Variants in NKAIN2 observed in about 807,000 individuals in gnomAD.
The protein encoded by NKAIN2 is sodium/potassium-transporting ATPase subunit beta-1-interacting protein 2.
Under a neutral mutation model 32.6 loss-of-function variants are expected in NKAIN2, and 14 were observed. The ratio of observed to expected loss-of-function variants is 0.43; its 90% CI spans 0.28 to 0.67. The LOEUF (loss-of-function observed/expected upper bound fraction) is 0.67, where lower values mean the gene tolerates loss of function less well. Among genes scored for constraint, NKAIN2 ranks in the 30% least tolerant of loss-of-function variants. NKAIN2 has a pLI of 0.17. For synonymous variants in NKAIN2, 80 were observed against 87.2 expected (o/e 0.92, Z 0.46); for missense variants, 198 against 258.3 (o/e 0.77, Z 1.60).
At chr6:124,321,730 T>G (rs1186450411) in intron 2 of NKAIN2, among the ~76,000 whole-genome samples, 1 of 152,156 alleles carries the variant, frequency 6.6e-6, no homozygotes, top group Non-Finnish European at 1.5e-5. Context: ...TTCACAGGCT[T>G]GCAGTTCATC....
At chr6:124,665,002 T>C (rs1772719991) in intron 4 of NKAIN2, among the ~76,000 whole-genome samples, 1 of 151,970 alleles carries the variant, frequency 6.6e-6, no homozygotes, top group Non-Finnish European at 1.5e-5. Flanking sequence ...AAGAAAAATG[T>C]AGTAGGTCCC....
intron 1 of NKAIN2, among the ~76,000 whole-genome samples, chr6:124,265,346 A>G (rs955452576): frequency 9.2e-5 from 14 of 152,294 alleles, no homozygotes; most frequent in African/African-American, 3.1e-4. Context: ...ATATTAGAAT[A>G]TAGAAATATT....
chr6:124,815,421 C>A (rs926830011), intron 5 of NKAIN2, among the ~76,000 whole-genome samples: 1 of 151,682 alleles, frequency 6.6e-6, no homozygotes, highest in Non-Finnish European at 1.5e-5. Flanking sequence ...AGACACGCAC[C>A]ACCATGCCCA....
intron 3 of NKAIN2, among the ~76,000 whole-genome samples, chr6:124,643,471 G>T (rs1291010313): frequency 6.6e-6 from 1 of 152,078 alleles, no homozygotes; most frequent in Non-Finnish European, 1.5e-5. Context: ...GACATAGATT[G>T]TCCACATCAC....
chr6:124,131,843 T>C (rs569182860), intron 1 of NKAIN2, among the ~76,000 whole-genome samples: 1 of 152,168 alleles, frequency 6.6e-6, no homozygotes, highest in Admixed American at 6.5e-5. Context: ...TCCAGGTGAA[T>C]TTTATGATCA....
At chr6:124,360,154 G>A (rs1424500457) in intron 3 of NKAIN2, among the ~76,000 whole-genome samples, 1 of 152,136 alleles carries the variant, frequency 6.6e-6, no homozygotes, top group Non-Finnish European at 1.5e-5. Flanking sequence ...GCTTTTTGAT[G>A]TGCTGCTGGA....
chr6:124,117,379 C>T (rs909032019), intron 1 of NKAIN2, among the ~76,000 whole-genome samples: 5 of 152,184 alleles, frequency 3.3e-5, no homozygotes, highest in Middle Eastern at 3.4e-3. Flanking sequence ...ACAGGAAGAA[C>T]GCAGCAAGGC....
chr6:124,483,192 A>G (rs1337750939), intron 3 of NKAIN2, among the ~76,000 whole-genome samples: 1 of 152,226 alleles, frequency 6.6e-6, no homozygotes, highest in African/African-American at 2.4e-5. Context: ...TAACAGCATC[A>G]TTGTAAAATG....
chr6:124,098,224 C>T (rs1318247202), intron 1 of NKAIN2, among the ~76,000 whole-genome samples: 1 of 152,144 alleles, frequency 6.6e-6, no homozygotes, highest in African/African-American at 2.4e-5. Flanking sequence ...CCTTATTAGA[C>T]TTTAATTATA....
chr6:123,809,336 G>A (rs1773354233), intron 1 of NKAIN2, among the ~76,000 whole-genome samples: 1 of 20,376 alleles, frequency 4.9e-5, no homozygotes, highest in South Asian at 3.0e-3. Context: ...TGTATGTAGG[G>A]CTACCTTTTT....
chr6:124,750,606 T>C (rs1159395753), intron 4 of NKAIN2, among the ~76,000 whole-genome samples: 1 of 152,014 alleles, frequency 6.6e-6, no homozygotes, highest in Middle Eastern at 3.2e-3. Context: ...CTTCATTTAC[T>C]TTAAATATAC....
chr6:124,047,270 T>G (rs577008239), intron 1 of NKAIN2, among the ~76,000 whole-genome samples: 33 of 151,988 alleles, frequency 2.2e-4, no homozygotes, highest in Non-Finnish European at 3.7e-4. Context: ...CTTGGCCCTT[T>G]CCTAAAAACA....
At chr6:124,725,330 C>T (rs1040432812) in intron 4 of NKAIN2, among the ~76,000 whole-genome samples, 5 of 152,054 alleles carry the variant, frequency 3.3e-5, no homozygotes, top group African/African-American at 9.7e-5. Flanking sequence ...CCTCAAACTC[C>T]TGGGTTCAAG....
chr6:124,712,545 A>G (rs1775545343), intron 4 of NKAIN2, among the ~76,000 whole-genome samples: 1 of 120,028 alleles, frequency 8.3e-6, no homozygotes, highest in Non-Finnish European at 1.8e-5. Context: ...AGCCCGTCGG[A>G]AAAGCGCAGT....
chr6:124,101,200 C>A (rs1237462322), intron 1 of NKAIN2, among the ~76,000 whole-genome samples: 1 of 151,926 alleles, frequency 6.6e-6, no homozygotes, highest in South Asian at 2.1e-4. Context: ...CTAAGATGGA[C>A]ATTAAAGTAT....
intron 3 of NKAIN2, among the ~76,000 whole-genome samples, chr6:124,455,838 A>T (rs1776299784): frequency 6.6e-6 from 1 of 151,982 alleles, no homozygotes; most frequent in Non-Finnish European, 1.5e-5. Flanking sequence ...TATCTAATGT[A>T]ACAGGTGTCC....
rs73772178 is a variant in NKAIN2, at chr6:124,603,564, G to T, written c.274-54622G>T. On this transcript the variant is annotated intron_variant, in intron 3 of 6. Transcript: ENST00000368417. ...TATATGTCAGTTCAAAATGATTAAA[G>T]TTACAAAATAGTAGAACATTTGATT... is the stretch of plus-strand genomic sequence containing the variant. Among the ~76,000 whole-genome samples, 838 of 151,924 alleles carry T rather than the reference G, an allele frequency of 5.5e-3. 12 individuals carry two copies. Among genetic ancestry groups the T allele is most frequent in the African/African-American group, 0.019 (796 of 41,474 alleles).
intron 3 of NKAIN2, among the ~76,000 whole-genome samples, chr6:124,513,338 A>G (rs895519635): frequency 1.3e-5 from 2 of 152,150 alleles, no homozygotes; most frequent in Admixed American, 6.6e-5. Flanking sequence ...CAATGTGCCT[A>G]TGTAAGAAAG....
intron 1 of NKAIN2, among the ~76,000 whole-genome samples, chr6:123,881,960 A>G (rs1232088355): frequency 1.3e-5 from 2 of 152,162 alleles, no homozygotes; most frequent in African/African-American, 4.8e-5. Flanking sequence ...TTACTAAAAT[A>G]GAAGGGTGCC....
Sources: gnomAD v4.1 joint callset for allele counts (sites outside exome capture counted in the v4.1 genomes callset) on GRCh38, gnomAD v4.1.1 for gene constraint, MANE v1.5 for transcripts, NCBI Gene and HGNC (gene_info 2026-07-23, HGNC 2026-07-21) for gene names.